The following MPZL3 variants were observed in gnomAD, a reference collection of about 807,000 sequenced individuals.
MPZL3 encodes the protein myelin protein zero-like protein 3.
A neutral mutation model predicts 24.8 loss-of-function variants in MPZL3; 23 were observed. The ratio of observed to expected loss-of-function variants is 0.93; its 90% CI spans 0.67 to 1.31. The LOEUF is 1.31. Among genes scored for constraint, MPZL3 ranks in the 40% most tolerant of loss-of-function variants. The pLI is 0.00. For synonymous variants in MPZL3, 99 were observed against 106.5 expected (o/e 0.93, Z 0.44); for missense variants, 277 against 294.9 (o/e 0.94, Z 0.44).
intron 3 of MPZL3, among the ~76,000 whole-genome samples, chr11:118,236,035 T>G (rs1183269878): frequency 6.6e-6 from 1 of 152,218 alleles, no homozygotes; most frequent in African/African-American, 2.4e-5. Context: ...TTCGAATTCT[T>G]AGAATCTACA....
intron 2 of MPZL3, among the ~76,000 whole-genome samples, chr11:118,237,585 G>A (rs1020975788): frequency 6.6e-6 from 1 of 152,012 alleles, no homozygotes; most frequent in African/African-American, 2.4e-5. Context: ...TCACAACTGG[G>A]GAGATGCTAC....
chr11:118,237,320 G>T, intron 2 of MPZL3, 60 bp from the exon 3 acceptor site: 6 of 1,449,908 alleles, frequency 4.1e-6, no homozygotes, highest in Non-Finnish European at 5.8e-6. Flanking sequence ...AAAATATAAA[G>T]CTCAGTAGGT....
intron 1 of MPZL3, among the ~76,000 whole-genome samples, chr11:118,251,041 A>AT (rs894052406): frequency 9.9e-5 from 15 of 150,836 alleles, no homozygotes; most frequent in Middle Eastern, 3.2e-3. Flanking sequence ...CCATTTCCAG[A>AT]TTTTTTTTCT....
At chr11:118,244,842 C>T (rs1044110053) in intron 1 of MPZL3, among the ~76,000 whole-genome samples, 1 of 152,100 alleles carries the variant, frequency 6.6e-6, no homozygotes, top group African/African-American at 2.4e-5. Flanking sequence ...TTTGGGAGGC[C>T]GAGGCGGGTG....
At chr11:118,241,602 A>G (rs1949499840) in intron 1 of MPZL3, among the ~76,000 whole-genome samples, 1 of 152,212 alleles carries the variant, frequency 6.6e-6, no homozygotes, top group Non-Finnish European at 1.5e-5. Flanking sequence ...CCCGAACCAG[A>G]GTAAGTGCTC....
At chr11:118,238,962 T>C (rs1392606220) in intron 2 of MPZL3, among the ~76,000 whole-genome samples, 1 of 152,172 alleles carries the variant, frequency 6.6e-6, no homozygotes. Context: ...ATGAATTCAA[T>C]GTTAAGTTCA....
At chr11:118,247,804 C>CT (rs1736090612) in intron 1 of MPZL3, among the ~76,000 whole-genome samples, 1 of 151,930 alleles carries the variant, frequency 6.6e-6, no homozygotes, top group African/African-American at 2.4e-5. Flanking sequence ...ATATTTTCTT[C>CT]ACTCCCTATC....
chr11:118,250,684 G>A (rs7926717), intron 1 of MPZL3, among the ~76,000 whole-genome samples: 5 of 151,628 alleles, frequency 3.3e-5, no homozygotes, highest in Non-Finnish European at 7.4e-5. Flanking sequence ...GGGTTCAAGC[G>A]ATTCTCCTGT....
In MPZL3 at chr11:118,227,291, G is replaced by A. The variant is rs1184045834; in HGVS notation, c.*2603C>T. 6.6e-6 allele frequency: 1 copy of A among 152,180 alleles called. No homozygotes were observed. The highest frequency in any genetic ancestry group is 2.4e-5 in the African/African-American group (1 of 41,450). The allele number at this position is 152,180 out of a possible 1,614,324, so 9.4% of individuals were successfully genotyped here. ...TCTGAACTAAGTTCCCTTTCTAAAC[G>A]AGGCTGGTTTCCATGGCTGTGACAA... On this transcript the variant is annotated 3_prime_UTR_variant, in exon 6 of 6. Transcript: ENST00000278949.
chr11:118,235,197 A>C (rs1949406722), intron 4 of MPZL3, among the ~76,000 whole-genome samples: 1 of 152,234 alleles, frequency 6.6e-6, no homozygotes, highest in African/African-American at 2.4e-5. Context: ...CCAAAGCAGA[A>C]GACTAGGACC....
At chr11:118,246,597 T>TC (rs1026865337) in intron 1 of MPZL3, among the ~76,000 whole-genome samples, 4 of 148,812 alleles carry the variant, frequency 2.7e-5, no homozygotes, top group African/African-American at 1.0e-4. Context: ...TTTTTTTTTT[T>TC]TTTTTGAGAC....
intron 5 of MPZL3, among the ~76,000 whole-genome samples, chr11:118,232,762 A>G (rs1360766833): frequency 6.6e-6 from 1 of 152,216 alleles, no homozygotes; most frequent in Non-Finnish European, 1.5e-5. Flanking sequence ...AAACACTGCA[A>G]TTAGTCATCG....
intron 1 of MPZL3, among the ~76,000 whole-genome samples, chr11:118,241,826 T>C (rs748632350): frequency 5.9e-5 from 9 of 152,192 alleles, no homozygotes; most frequent in African/African-American, 9.7e-5. Flanking sequence ...TAATAAGAAC[T>C]CATAAGAATC....
At position 118,227,359 on chromosome 11, in the gene MPZL3, G is replaced by C. The variant is rs1001671908; in HGVS notation, c.*2535C>G. On this transcript the variant is annotated 3_prime_UTR_variant, in exon 6 of 6. Coordinates refer to ENST00000278949, the MANE Select transcript of MPZL3 (RefSeq NM_198275.3). ...AAAAGAGAGAGAGAATAGCACCTTA[G>C]AAGTTACTCAAACAAGAGGTGAAAC... 6.6e-6 allele frequency: 1 copy of C among 152,180 alleles called. No individual in the cohort carries two copies. The highest frequency in any genetic ancestry group is 1.9e-4 in the East Asian group (1 of 5,204). The allele number at this position is 152,180 out of a possible 1,614,324, so 9.4% of individuals were successfully genotyped here.
Position 118,227,187 on chromosome 11 carries a change from T to A in MPZL3, c.*2707A>T, listed in dbSNP as rs1342573360. 6.6e-6 allele frequency: 1 copy of A among 152,224 alleles called. No homozygotes were observed. The highest frequency in any genetic ancestry group is 1.5e-5 in the Non-Finnish European group (1 of 68,034). 9.4% of individuals were successfully genotyped at this position (152,224 alleles called of 1,614,324 possible). A position where few individuals can be genotyped will look rare whatever the true frequency, so the allele number is the denominator to read the frequency against. ...TTTTGTAATAGAATTAAGAGCGTAA[T>A]GCATAAAACTTAAAGTCATGTAACC... On this transcript the variant is annotated 3_prime_UTR_variant, in exon 6 of 6. Transcript: ENST00000278949.
chr11:118,238,065 A>G (rs1178401476), intron 2 of MPZL3, among the ~76,000 whole-genome samples: 1 of 152,056 alleles, frequency 6.6e-6, no homozygotes, highest in East Asian at 1.9e-4. Context: ...TGAACCCAGG[A>G]GGCGGAGATT....
At chr11:118,251,194 T>A (rs1241385465) in intron 1 of MPZL3, among the ~76,000 whole-genome samples, 1 of 151,886 alleles carries the variant, frequency 6.6e-6, no homozygotes, top group Non-Finnish European at 1.5e-5. Flanking sequence ...CAAAGTAATT[T>A]AGCTTAAAAA....
Position 118,229,709 on chromosome 11 carries a change from T to G in MPZL3, c.*185A>C. 1 of 549,444 alleles carries G rather than the reference T, an allele frequency of 1.8e-6. No individual in the cohort carries two copies. The allele number at this position is 549,444 out of a possible 1,614,324, so 34.0% of individuals were successfully genotyped here. The stretch of plus-strand genomic sequence containing the variant: ...TCTCTTATGAGAGTTCCTGAACAGT[T>G]TATAAATACAACAAGAACATTTATT... On this transcript the variant is annotated 3_prime_UTR_variant, in exon 6 of 6. Transcript: ENST00000278949.
rs972845075 is a variant in MPZL3 at position 118,227,082 on chromosome 11, C to G, written c.*2812G>C. ...GAAGCACCAGTGCTGGGTTCAGGAG[C>G]TACAGAGGACTAAGATGTTCCCCAA... On this transcript the variant is annotated 3_prime_UTR_variant, in exon 6 of 6. Transcript: ENST00000278949. The G allele has an allele frequency of 5.3e-5, 8 of 152,218 alleles. No individual in the cohort carries two copies. The highest frequency in any genetic ancestry group is 1.9e-4 in the African/African-American group (8 of 41,448). 9.4% of individuals were successfully genotyped at this position (152,218 alleles called of 1,614,324 possible). A position where few individuals can be genotyped will look rare whatever the true frequency, so the allele number is the denominator to read the frequency against.
Sources: allele counts gnomAD v4.1 joint callset (sites outside exome capture counted in the v4.1 genomes callset), GRCh38; gene constraint gnomAD v4.1.1; transcripts MANE v1.5; gene names NCBI Gene and HGNC (gene_info 2026-07-23, HGNC 2026-07-21).